SYT1: variants seen among roughly 807,000 people sequenced by gnomAD.
SYT1 encodes synaptotagmin-1.
A neutral mutation model predicts 44.8 loss-of-function variants in SYT1; 8 were observed. The ratio of observed to expected loss-of-function variants is 0.18; its 90% CI spans 0.10 to 0.32. The LOEUF (loss-of-function observed/expected upper bound fraction) is 0.32, where lower values mean the gene tolerates loss of function less well. Among genes scored for constraint, SYT1 ranks in the 10% least tolerant of loss-of-function variants. The pLI is 1.00. For synonymous variants in SYT1, 154 were observed against 188.8 expected (o/e 0.82, Z 1.51); for missense variants, 286 against 509.3 (o/e 0.56, Z 4.22).
chr12:79,029,601 T>C (rs963363470), intron 2 of SYT1, among the ~76,000 whole-genome samples: 1 of 151,212 alleles, frequency 6.6e-6, no homozygotes, highest in Non-Finnish European at 1.5e-5. Flanking sequence ...TTTTCATGCA[T>C]GTAATGTTAT....
At chr12:79,156,442 CTGTTGTTGT>C (rs34284800) in intron 3 of SYT1, among the ~76,000 whole-genome samples, 17 of 142,014 alleles carry the variant, frequency 1.2e-4, no homozygotes, top group Admixed American at 6.8e-4. Context: ...GTTGTTGCTG[CTGTTGTTGT>C]TGTTGTTGTT....
intron 1 of SYT1, among the ~76,000 whole-genome samples, chr12:78,869,979 G>A (rs1001003946): frequency 6.6e-6 from 1 of 152,064 alleles, no homozygotes; most frequent in Non-Finnish European, 1.5e-5. Context: ...TTTTGTTAAA[G>A]AGGAGCTCTA....
intron 3 of SYT1, among the ~76,000 whole-genome samples, chr12:79,052,354 T>C (rs1327326018): frequency 1.3e-5 from 2 of 152,082 alleles, no homozygotes; most frequent in Non-Finnish European, 2.9e-5. Context: ...CAAAAATTAA[T>C]TCAAGATGGA....
chr12:79,274,936 G>A (rs552821241), intron 4 of SYT1, among the ~76,000 whole-genome samples: 1 of 152,330 alleles, frequency 6.6e-6, no homozygotes, highest in African/African-American at 2.4e-5. Flanking sequence ...CAGAGCTGGT[G>A]CTTGCACCTG....
At chr12:78,890,605 T>C (rs191873680) in intron 1 of SYT1, among the ~76,000 whole-genome samples, 77 of 152,044 alleles carry the variant, frequency 5.1e-4, no homozygotes, top group African/African-American at 1.9e-3. Flanking sequence ...TCCCTTCTAC[T>C]TTTATCATCT....
intron 3 of SYT1, among the ~76,000 whole-genome samples, chr12:79,121,639 G>T (rs1446193328): frequency 1.3e-5 from 2 of 152,146 alleles, no homozygotes; most frequent in African/African-American, 2.4e-5. Flanking sequence ...TGGGTATAAA[G>T]TCAGGCCAGA....
chr12:79,045,934 T>A (rs1193235357), intron 2 of SYT1: 1 of 152,226 alleles, frequency 6.6e-6, no homozygotes, highest in East Asian at 1.9e-4. Context: ...TGTAAGAAGC[T>A]CTGTGTCACT....
chr12:79,310,737 C>G (rs866885201), intron 8 of SYT1, among the ~76,000 whole-genome samples: 17 of 151,926 alleles, frequency 1.1e-4, no homozygotes, highest in African/African-American at 4.1e-4. Flanking sequence ...TCACGTCCCT[C>G]GTAAGTTGGA....
intron 4 of SYT1, among the ~76,000 whole-genome samples, chr12:79,246,876 G>T (rs1876881760): frequency 6.6e-6 from 1 of 152,092 alleles, no homozygotes; most frequent in African/African-American, 2.4e-5. Flanking sequence ...AAAATTAAGG[G>T]GATGCCTTGA....
chr12:78,979,378 C>T (rs1006311054), intron 2 of SYT1, among the ~76,000 whole-genome samples: 1 of 152,048 alleles, frequency 6.6e-6, no homozygotes, highest in African/African-American at 2.4e-5. Context: ...CTAAAGCCAA[C>T]CTACAAAAAT....
chr12:79,367,036 C>A (rs1002622813), intron 9 of SYT1, among the ~76,000 whole-genome samples: 9 of 151,902 alleles, frequency 5.9e-5, no homozygotes, highest in Non-Finnish European at 1.2e-4. Flanking sequence ...AAATCCTCCT[C>A]CCATCTCCTG....
chr12:79,120,150 T>C (rs1592765200), intron 3 of SYT1, among the ~76,000 whole-genome samples: 2 of 152,160 alleles, frequency 1.3e-5, no homozygotes, highest in Non-Finnish European at 2.9e-5. Flanking sequence ...AAAATATATA[T>C]ATATTTACCC....
intron 2 of SYT1, among the ~76,000 whole-genome samples, chr12:79,038,812 G>A (rs1873314413): frequency 6.6e-6 from 1 of 151,900 alleles, no homozygotes; most frequent in South Asian, 2.1e-4. Context: ...CCTCTTTAAA[G>A]CCAATCCTAA....
intron 2 of SYT1, among the ~76,000 whole-genome samples, chr12:79,015,512 C>T (rs952113523): frequency 4.5e-4 from 69 of 151,992 alleles, no homozygotes; most frequent in Non-Finnish European, 3.1e-4. Context: ...TACTACTTTG[C>T]TAATGATTTA....
chr12:79,360,712 G>C (rs1883286240), intron 9 of SYT1, among the ~76,000 whole-genome samples: 1 of 152,078 alleles, frequency 6.6e-6, no homozygotes. Context: ...CATAATTTTA[G>C]GCATGAATGT....
intron 3 of SYT1, among the ~76,000 whole-genome samples, chr12:79,169,346 T>A (rs1312952305): frequency 6.6e-6 from 1 of 150,528 alleles, no homozygotes; most frequent in East Asian, 1.9e-4. Context: ...CATGCATGAC[T>A]TACAAAAGTA....
chr12:78,952,705 T>C (rs1045318219), intron 1 of SYT1, among the ~76,000 whole-genome samples: 3 of 152,108 alleles, frequency 2.0e-5, no homozygotes, highest in African/African-American at 7.2e-5. Context: ...TAAAAATAAA[T>C]GAGTGGCTTT....
intron 9 of SYT1, among the ~76,000 whole-genome samples, chr12:79,388,129 C>T (rs894456871): frequency 2.6e-5 from 4 of 152,180 alleles, no homozygotes; most frequent in African/African-American, 7.2e-5. Flanking sequence ...ACATCCTATG[C>T]ATACATACTT....
At chr12:79,358,180 C>A (rs1424079328) in intron 9 of SYT1, among the ~76,000 whole-genome samples, 3 of 152,184 alleles carry the variant, frequency 2.0e-5, no homozygotes, top group African/African-American at 7.2e-5. Context: ...TTAGTTTAGG[C>A]TTTCTGTTGT....
Sources: allele counts gnomAD v4.1 joint callset (sites outside exome capture counted in the v4.1 genomes callset), GRCh38; gene constraint gnomAD v4.1.1; transcripts MANE v1.5; gene names NCBI Gene and HGNC (gene_info 2026-07-23, HGNC 2026-07-21).